IQCM: variants seen among roughly 807,000 people sequenced by gnomAD.
The protein encoded by IQCM is IQ motif containing M.
In IQCM, 45 loss-of-function variants were observed where a neutral mutation model predicts 57.6. The ratio of observed to expected loss-of-function variants is 0.78; its 90% confidence interval spans 0.62 to 1.00. The LOEUF is 1.00. Among genes scored for constraint, IQCM ranks in the 50% least tolerant of loss-of-function variants. The probability of loss-of-function intolerance (pLI) is 0.00; values close to 1 mark genes in which losing one functional copy is unlikely to be tolerated. For missense variants in IQCM, 468 were observed against 511.6 expected, an observed-to-expected ratio of 0.91 and a Z score of 0.82; for synonymous variants, 148 against 158.9, an observed-to-expected ratio of 0.93 and a Z score of 0.51.
intron 12 of IQCM, among the ~76,000 whole-genome samples, chr4:149,497,018 G>A (rs149493803): frequency 7.9e-5 from 12 of 152,232 alleles, no homozygotes; most frequent in African/African-American, 2.4e-4. Context: ...AGTTGCAGGT[G>A]GGAAAGAAAG....
intron 8 of IQCM, among the ~76,000 whole-genome samples, chr4:149,590,247 C>A (rs1005769015): frequency 1.4e-5 from 1 of 73,608 alleles, no homozygotes; most frequent in African/African-American, 5.4e-5. Flanking sequence ...TTTTTCTTTC[C>A]TTTTTTTTTT....
intron 13 of IQCM, among the ~76,000 whole-genome samples, chr4:149,405,142 A>T (rs574375274): frequency 1.3e-5 from 2 of 151,894 alleles, no homozygotes; most frequent in Admixed American, 6.6e-5. Context: ...AAAAGAAAGG[A>T]AAAAAAAGAA....
intron 11 of IQCM, among the ~76,000 whole-genome samples, chr4:149,551,752 A>T (rs1003323393): frequency 2.0e-5 from 3 of 152,150 alleles, no homozygotes; most frequent in Non-Finnish European, 4.4e-5. Flanking sequence ...TGAATTTTCT[A>T]CTAGTGGTAT....
intron 13 of IQCM, among the ~76,000 whole-genome samples, chr4:149,362,645 C>A (rs757008214): frequency 9.2e-5 from 14 of 152,158 alleles, no homozygotes; most frequent in Non-Finnish European, 1.8e-4. Context: ...CCATGTGGAA[C>A]TGTAAGTCCA....
chr4:149,773,088 AC>A (rs940344783), intron 2 of IQCM, among the ~76,000 whole-genome samples: 29 of 152,316 alleles, frequency 1.9e-4, no homozygotes, highest in Non-Finnish European at 3.2e-4. Flanking sequence ...GTGGTGGCTC[AC>A]GCCTCTAATC....
chr4:149,653,757 A>G (rs1316790087), intron 7 of IQCM, among the ~76,000 whole-genome samples: 3 of 152,154 alleles, frequency 2.0e-5, no homozygotes, highest in Non-Finnish European at 4.4e-5. Context: ...TAAATTATTT[A>G]TAATTAAGAT....
At chr4:149,396,289 C>T (rs960647068) in intron 13 of IQCM, among the ~76,000 whole-genome samples, 6 of 151,340 alleles carry the variant, frequency 4.0e-5, no homozygotes, top group Non-Finnish European at 8.8e-5. Context: ...CTTATCTCTC[C>T]ATTTGTTTTG....
intron 7 of IQCM, among the ~76,000 whole-genome samples, chr4:149,642,792 G>A (rs1758306779): frequency 6.6e-6 from 1 of 152,034 alleles, no homozygotes; most frequent in Non-Finnish European, 1.5e-5. Flanking sequence ...TATATTTAGG[G>A]ACACAAACAA....
At chr4:149,539,631 C>CAG (rs1261673841) in intron 12 of IQCM, among the ~76,000 whole-genome samples, 1 of 152,054 alleles carries the variant, frequency 6.6e-6, no homozygotes, top group East Asian at 1.9e-4. Context: ...TAGGCCAAGG[C>CAG]AGACAGATCG....
chr4:149,745,185 G>C (rs532722341), intron 2 of IQCM, among the ~76,000 whole-genome samples: 177 of 152,282 alleles, frequency 1.2e-3, no homozygotes, highest in African/African-American at 4.1e-3. Context: ...CAAAGGCATG[G>C]AGGTGAGAAT....
intron 12 of IQCM, among the ~76,000 whole-genome samples, chr4:149,531,532 T>C (rs1321755822): frequency 4.6e-5 from 7 of 152,044 alleles, no homozygotes; most frequent in Admixed American, 4.6e-4. Flanking sequence ...CTTCAACAAA[T>C]ATTTATCAAG....
At chr4:149,617,234 C>T (rs548225999) in intron 8 of IQCM, among the ~76,000 whole-genome samples, 1 of 152,166 alleles carries the variant, frequency 6.6e-6, no homozygotes, top group South Asian at 2.1e-4. Flanking sequence ...GAATTACTGG[C>T]ATGAGCCACT....
At chr4:149,528,376 A>G (rs1001266292) in intron 12 of IQCM, among the ~76,000 whole-genome samples, 2 of 151,502 alleles carry the variant, frequency 1.3e-5, no homozygotes, top group Non-Finnish European at 2.9e-5. Flanking sequence ...TTTGTCAATC[A>G]TCACTTATCA....
At chr4:149,559,786 C>A (rs537103082) in intron 10 of IQCM, among the ~76,000 whole-genome samples, 2 of 152,262 alleles carry the variant, frequency 1.3e-5, no homozygotes, top group Admixed American at 6.5e-5. Context: ...CAACAGGAGT[C>A]CCCAACCAAC....
chr4:149,584,058 C>G (rs1016548081), intron 9 of IQCM, among the ~76,000 whole-genome samples: 1 of 151,326 alleles, frequency 6.6e-6, no homozygotes, highest in African/African-American at 2.4e-5. Context: ...AAATTAAGAA[C>G]AACATTTATT....
chr4:149,442,322 T>C (rs1191197173), intron 12 of IQCM, among the ~76,000 whole-genome samples: 2 of 152,058 alleles, frequency 1.3e-5, no homozygotes, highest in East Asian at 3.9e-4. Context: ...ATTGGAATTT[T>C]CCAAATCATC....
intron 5 of IQCM, among the ~76,000 whole-genome samples, chr4:149,732,891 A>G (rs538197500): frequency 6.6e-5 from 10 of 152,318 alleles, no homozygotes; most frequent in African/African-American, 2.2e-4. Flanking sequence ...TAAGTTGCCT[A>G]TCCTATTGAT....
At chr4:149,492,601 C>T (rs1326803845) in intron 12 of IQCM, among the ~76,000 whole-genome samples, 2 of 152,062 alleles carry the variant, frequency 1.3e-5, no homozygotes, top group Non-Finnish European at 2.9e-5. Context: ...AAGGCCCATT[C>T]GAACATCTTG....
intron 12 of IQCM, among the ~76,000 whole-genome samples, chr4:149,535,174 T>C (rs189787515): frequency 6.6e-6 from 1 of 152,070 alleles, no homozygotes; most frequent in Non-Finnish European, 1.5e-5. Flanking sequence ...TTGGAAGTTT[T>C]CACTTTACTG....
Sources: gnomAD v4.1 joint callset for allele counts (sites outside exome capture counted in the v4.1 genomes callset) on GRCh38, gnomAD v4.1.1 for gene constraint, MANE v1.5 for transcripts, NCBI Gene and HGNC (gene_info 2026-07-23, HGNC 2026-07-21) for gene names.